The following HRG variants were observed in gnomAD, a reference collection of about 807,000 sequenced individuals.
HRG encodes the protein histidine-rich glycoprotein.
HRG carries 26 observed loss-of-function variants against 29.5 expected under a neutral mutation model. That is an observed-to-expected ratio of 0.88 (90% CI 0.65 to 1.22). The LOEUF is 1.22. Among genes scored for constraint, HRG ranks in the 50% most tolerant of loss-of-function variants. HRG has a pLI of 0.00. For missense variants in HRG, 671 were observed against 654.5 expected, an observed-to-expected ratio of 1.03 and a Z score of -0.28; for synonymous variants, 243 against 240.4, an observed-to-expected ratio of 1.01 and a Z score of -0.10.
rs201250387 is a variant in HRG at position 186,671,788 on chromosome 3, T to C, written c.557T>C (p.Val186Ala). ...GACCGAATCGAGAGAGTTGCAAGAG[T>C]GGTGAGTCTCCACTAAGGTTCGGTT... ...RVDRIERVARVRGGEGTGYFV... is the reference protein window; with the variant it reads ...RVDRIERVARARGGEGTGYFV... The change falls in exon 4 of 7, where the codon GTG becomes GCG. Residue 186 changes from valine to alanine, a missense_variant and splice_region_variant. By Grantham distance (64) the Val-to-Ala change is moderately conservative. Coordinates refer to ENST00000232003, the MANE Select transcript of HRG (RefSeq NM_000412.5). The C allele has an allele frequency of 3.1e-5, 50 of 1,612,806 alleles. No homozygotes were observed. In the Middle Eastern group the frequency reaches 6.6e-4, roughly 21 times the overall value.
At chr3:186,676,894 C>A in intron 6 of HRG, 153 bp from the exon 7 acceptor site, 1 of 253,964 alleles carries the variant, frequency 3.9e-6, no homozygotes, top group East Asian at 1.8e-4. Flanking sequence ...ATCAACTGGG[C>A]TAGATAACAA....
Position 186,675,199 on chromosome 3 carries a change from T to C in HRG, c.741+9T>C. On this transcript the variant is annotated intron_variant, in intron 6 of 6. Coordinates refer to ENST00000232003, the MANE Select transcript of HRG (RefSeq NM_000412.5). ...AAGTCTTCGACCCTCAGGTGGGTTG[T>C]CTAAGCAGACTTTGTCATGGCAGTG... 1 of 1,587,462 alleles carries C rather than the reference T, an allele frequency of 6.3e-7. No homozygotes were observed. Among genetic ancestry groups the C allele is most frequent in the Non-Finnish European group, 8.7e-7 (1 of 1,155,986 alleles).
rs1719025431 is a variant in HRG at position 186,677,260 on chromosome 3, C to T, written c.955C>T (p.Leu319=). ...CCCACTTCCACAAGGCCCTCCTCCA[C>T]TATTGCCCATGTCCTGCTCAAGTTG... The part of the protein sequence containing the change: ...GPPLPQGPPP[L]LPMSCSSCQH... Residue 319 remains leucine (L), a synonymous_variant, in exon 7 of 7, where the codon CTA becomes TTA. Coordinates refer to ENST00000232003, the MANE Select transcript of HRG (RefSeq NM_000412.5). 6.2e-7 allele frequency: 1 copy of T among 1,614,052 alleles called. No individual in the cohort carries two copies. Among genetic ancestry groups the T allele is most frequent in the South Asian group, 1.1e-5 (1 of 91,084 alleles).
intron 6 of HRG, among the ~76,000 whole-genome samples, chr3:186,676,131 A>G (rs1298958272): frequency 6.6e-6 from 1 of 152,046 alleles, no homozygotes; most frequent in Non-Finnish European, 1.5e-5. Context: ...AGCCTCCCAA[A>G]GTTCTGGGAT....
At position 186,677,199 on chromosome 3, in the gene HRG, A is replaced by C. The variant is rs1204275134; in HGVS notation, c.894A>C (p.Pro298=). The C allele has an allele frequency of 2.5e-6, 4 of 1,613,636 alleles. No homozygotes were observed. The highest frequency in any genetic ancestry group is 3.3e-5 in the Admixed American group (2 of 59,984). ...HPHKPHEHGP[P]PPPDERDHSH... ...ACAAGCCACACGAACATGGACCCCC[A>C]CCTCCTCCAGATGAAAGAGATCACT... The change falls in exon 7 of 7, where the codon CCA becomes CCC. Residue 298 remains proline (P), a synonymous_variant. Coordinates refer to ENST00000232003, the MANE Select transcript of HRG (RefSeq NM_000412.5).
At position 186,672,836 on chromosome 3, in the gene HRG, G is replaced by GCCCCAGACACCATTT; in HGVS notation, c.620_634dup (p.His207_His211dup). 2 of 1,612,274 alleles carry GCCCCAGACACCATTT rather than the reference G, an allele frequency of 1.2e-6. No individual in the cohort carries two copies. Among genetic ancestry groups the GCCCCAGACACCATTT allele is most frequent in the Non-Finnish European group, 1.7e-6 (2 of 1,178,326 alleles). Reference sequence around the variant, plus strand: ...TTCGTGGACTTCTCTGTGCGGAACTGCCCCAGACACCATTTCCCCAGACAC... The same window carrying GCCCCAGACACCATTT: ...TTCGTGGACTTCTCTGTGCGGAACTGCCCCAGACACCATTTCCCCAGACACCATTTCCCCAGACAC... On this transcript the variant is annotated inframe_insertion, in exon 5 of 7. Transcript: ENST00000232003.
intron 6 of HRG, among the ~76,000 whole-genome samples, chr3:186,676,565 A>T (rs1718996995): frequency 6.6e-6 from 1 of 151,734 alleles, no homozygotes; most frequent in Non-Finnish European, 1.5e-5. Context: ...ACTTGAAACA[A>T]GGAGTTCAAC....
At chr3:186,676,294 G>T (rs1211501087) in intron 6 of HRG, among the ~76,000 whole-genome samples, 1 of 151,910 alleles carries the variant, frequency 6.6e-6, no homozygotes, top group African/African-American at 2.4e-5. Flanking sequence ...CAGTTATAAG[G>T]CACTAGTTTT....
In HRG at chr3:186,678,097, C is replaced by A; in HGVS notation, c.*214C>A. The stretch of plus-strand genomic sequence containing the variant: ...GCTGCCTATTAGTAGTTAATTCTGT[C>A]ACTCACCACTACATCACTTGAGACA... On this transcript the variant is annotated 3_prime_UTR_variant, in exon 7 of 7. Coordinates refer to ENST00000232003, the MANE Select transcript of HRG (RefSeq NM_000412.5). 1 of 546,410 alleles carries A rather than the reference C, an allele frequency of 1.8e-6. No homozygotes were observed. The highest frequency in any genetic ancestry group is 3.3e-6 in the Non-Finnish European group (1 of 305,828). The allele number at this position is 546,410 out of a possible 1,614,324, so 33.8% of individuals were successfully genotyped here. A position where few individuals can be genotyped will look rare whatever the true frequency, so the allele number is the denominator to read the frequency against.
chr3:186,678,016 G>A lies in HRG; in HGVS notation c.*133G>A. The stretch of plus-strand genomic sequence containing the variant: ...TGAAGATGCAGCAAAATGTGAATGG[G>A]AAAAGAGATGGCCTGAGAAGAGAGA... On this transcript the variant is annotated 3_prime_UTR_variant, in exon 7 of 7. Transcript: ENST00000232003. The A allele has an allele frequency of 1.2e-6, 1 of 864,428 alleles. No homozygotes were observed. The allele number at this position is 864,428 out of a possible 1,614,324, so 53.5% of individuals were successfully genotyped here.
At chr3:186,672,762 A>C (rs752541692) in intron 4 of HRG, 25 bp from the exon 5 acceptor site, 1 of 1,509,314 alleles carries the variant, frequency 6.6e-7, no homozygotes. Flanking sequence ...TGTTCTTGAA[A>C]CTATTTTGAT....
rs139380005 is a variant in HRG, at chr3:186,677,871, A to G, written c.1566A>G (p.Thr522=). 49 of 1,613,608 alleles carry G rather than the reference A, an allele frequency of 3.0e-5. 1 individual carries two copies. In the African/African-American group the frequency reaches 5.7e-4, roughly 19 times the overall value. Residue 522 remains threonine (T), a synonymous_variant, in exon 7 of 7, where the codon ACA becomes ACG. Transcript: ENST00000232003. ...FPQVSMFFTH[T]FPK ...AAGTTTCCATGTTTTTTACACATAC[A>G]TTTCCAAAATAAAATGTGATTCCTT...
rs542534129 is a variant in HRG, at chr3:186,677,106, G to A, written c.801G>A (p.Gly267=). Residue 267 remains glycine (G), a synonymous_variant, in exon 7 of 7, where the codon GGG becomes GGA. Transcript: ENST00000232003. Reference sequence around the variant, plus strand: ...TGGGACATCCCTTCCACTGGGGTGGGCATGAGCGTTCTTCTACCACCAAGC... The same window carrying A: ...TGGGACATCCCTTCCACTGGGGTGGACATGAGCGTTCTTCTACCACCAAGC... ...PHLGHPFHWG[G]HERSSTTKPP... The A allele has an allele frequency of 2.7e-5, 43 of 1,613,994 alleles. 1 individual carries two copies. Among genetic ancestry groups the A allele is most frequent in the South Asian group, 1.3e-4 (12 of 91,066 alleles).
chr3:186,677,946 C>T lies in HRG; in HGVS notation c.*63C>T, dbSNP rs551392788. ...TGAATTAGAAACATAAATAAAATGACCAGTAATTGTGAAAATTACAGTTCT... is the reference window on the plus strand; with the variant it reads ...TGAATTAGAAACATAAATAAAATGATCAGTAATTGTGAAAATTACAGTTCT... On this transcript the variant is annotated 3_prime_UTR_variant, in exon 7 of 7. Coordinates refer to ENST00000232003, the MANE Select transcript of HRG (RefSeq NM_000412.5). 2.7e-6 allele frequency: 4 copies of T among 1,487,440 alleles called. No homozygotes were observed. The highest frequency in any genetic ancestry group is 3.7e-6 in the Non-Finnish European group (4 of 1,072,142). 92.1% of individuals were successfully genotyped at this position (1,487,440 alleles called of 1,614,324 possible).
At chr3:186,668,182 C>CG (rs1485606722) in intron 1 of HRG, among the ~76,000 whole-genome samples, 2 of 152,042 alleles carry the variant, frequency 1.3e-5, no homozygotes, top group Non-Finnish European at 2.9e-5. Context: ...GCATAGAGAG[C>CG]GGGTGGATGG....
rs145344471 is a variant in HRG, at chr3:186,671,650, A to T, written c.419A>T (p.Asp140Val). 76 of 1,614,112 alleles carry T rather than the reference A, an allele frequency of 4.7e-5. No homozygotes were observed. In the African/African-American group the frequency reaches 8.7e-4, roughly 18 times the overall value. Residue 140 changes from aspartate to valine, a missense_variant, in exon 4 of 7, where the codon GAT (aspartate) becomes GTT (valine). By Grantham distance (152) the Asp-to-Val change is radical (BLOSUM62 -3). Coordinates refer to ENST00000232003, the MANE Select transcript of HRG (RefSeq NM_000412.5). ...SVSSALANTK[D>V]SPVLIDFFED... Reference sequence around the variant, plus strand: ...TCTTCAGCACTGGCCAATACCAAAGATAGTCCGGTCCTCATAGATTTCTTT... The same window carrying T: ...TCTTCAGCACTGGCCAATACCAAAGTTAGTCCGGTCCTCATAGATTTCTTT...
At chr3:186,674,185 A>T (rs926393840) in intron 5 of HRG, 1 of 152,164 alleles carries the variant, frequency 6.6e-6, no homozygotes, top group African/African-American at 2.4e-5. Flanking sequence ...CGCCCACCAG[A>T]AAAGACACCT....
intron 4 of HRG, among the ~76,000 whole-genome samples, chr3:186,672,540 G>T (rs934636154): frequency 3.3e-5 from 5 of 152,150 alleles, no homozygotes; most frequent in African/African-American, 1.2e-4. Context: ...TGGAGTGCAG[G>T]AGAGGTGATT....
chr3:186,672,573 T>C (rs1381186437), intron 4 of HRG, among the ~76,000 whole-genome samples: 1 of 152,222 alleles, frequency 6.6e-6, no homozygotes, highest in African/African-American at 2.4e-5. Flanking sequence ...CTTTATCATA[T>C]ATTTATTATT....
Sources: gnomAD v4.1 joint callset for allele counts (sites outside exome capture counted in the v4.1 genomes callset) on GRCh38, gnomAD v4.1.1 for gene constraint, MANE v1.5 for transcripts, NCBI Gene and HGNC (gene_info 2026-07-23, HGNC 2026-07-21) for gene names.